The following ELANE variants were observed in gnomAD, a reference collection of about 807,000 sequenced individuals.
The protein encoded by ELANE is elastase, neutrophil expressed, also known as neutrophil elastase.
A neutral mutation model predicts 20.6 loss-of-function variants in ELANE; 12 were observed. The ratio of observed to expected loss-of-function variants is 0.58; its 90% CI spans 0.37 to 0.94. The LOEUF is 0.94. Among genes scored for constraint, ELANE ranks in the 40% least tolerant of loss-of-function variants. ELANE has a pLI of 0.01. For synonymous variants in ELANE, 203 were observed against 177.4 expected, an observed-to-expected ratio of 1.14 and a Z score of -1.15; for missense variants, 388 against 395.2, an observed-to-expected ratio of 0.98 and a Z score of 0.15.
At chr19:853,131 G>T (rs999931514) in intron 2 of ELANE, 99 bp downstream of exon 2, 45 of 1,446,954 alleles carry the variant, frequency 3.1e-5, no homozygotes, top group Admixed American at 4.5e-5. Flanking sequence ...GCGGGGGGGG[G>T]TCCGTCCAGG....
At chr19:852,466 C>A in intron 1 of ELANE, 71 bp downstream of exon 1, 2 of 1,534,192 alleles carry the variant, frequency 1.3e-6, no homozygotes, top group Middle Eastern at 1.7e-4. Flanking sequence ...CCATAGAGGG[C>A]CCCACCAGTG....
intron 1 of ELANE, 139 bp from the exon 2 acceptor site, chr19:852,737 G>A (rs1411794809): frequency 5.5e-6 from 7 of 1,272,610 alleles, no homozygotes; most frequent in Non-Finnish European, 7.3e-6. Context: ...CCCCGATCCC[G>A]TGGGTTCCCG....
chr19:853,157 C>T (rs1378827164), intron 2 of ELANE, 105 bp from the exon 3 acceptor site: 2 of 1,470,622 alleles, frequency 1.4e-6, no homozygotes, highest in Admixed American at 2.3e-5. Flanking sequence ...CGGGGCCCCT[C>T]GAGCACCTTC....
rs765808422 is a variant in ELANE, at chr19:852,973, C to T, written c.165C>T (p.Cys55=). 4.4e-6 allele frequency: 7 copies of T among 1,585,818 alleles called. No individual in the cohort carries two copies. Among genetic ancestry groups the T allele is most frequent in the African/African-American group, 2.7e-5 (2 of 74,710 alleles). The change falls in exon 2 of 5, where the codon TGC becomes TGT. Residue 55 remains cysteine (C), a synonymous_variant. Transcript: ENST00000263621. ...TGCAGCTGCGCGGAGGCCACTTCTG[C>T]GGCGCCACCCTGATTGCGCCCAACT... ...VSLQLRGGHF[C]GATLIAPNFV...
At chr19:852,550 G>A (rs1357455434) in intron 1 of ELANE, among the ~76,000 whole-genome samples, 155 bp downstream of exon 1, 1 of 138,806 alleles carries the variant, frequency 7.2e-6, no homozygotes, top group Non-Finnish European at 1.5e-5. Context: ...TCTGAGCGGT[G>A]AAGCCACCAC....
At chr19:852,633 C>A (rs1375323805) in intron 1 of ELANE, among the ~76,000 whole-genome samples, 1 of 151,518 alleles carries the variant, frequency 6.6e-6, no homozygotes, top group African/African-American at 2.4e-5. Context: ...GGTTCAAGTC[C>A]AGGTCTGTCT....
Position 854,857 on chromosome 19 carries a change from T to C in ELANE, c.367-707T>C, listed in dbSNP as rs201705493. Among the ~76,000 whole-genome samples, 50 of 147,950 alleles carry C rather than the reference T, an allele frequency of 3.4e-4. No individual in the cohort carries two copies. In the East Asian group the frequency reaches 7.4e-3, roughly 22 times the overall value. ...TAATAAAAATATATATATACACACA[T>C]ATATATATATTTTTTGAGACAAGTC... is the stretch of plus-strand genomic sequence containing the variant. On this transcript the variant is annotated intron_variant, in intron 3 of 4. Transcript: ENST00000263621.
rs766595918 is a variant in ELANE at position 856,172 on chromosome 19, T to A, written c.*8T>A. 9 of 1,612,738 alleles carry A rather than the reference T, an allele frequency of 5.6e-6. No homozygotes were observed. The South Asian group carries it at 9.9e-5, about 18-fold the overall frequency. On this transcript the variant is annotated 3_prime_UTR_variant, in exon 5 of 5. Transcript: ENST00000263621. ...GCCAGCAGGACCCACTGAGAAGGGC[T>A]GCCCGGGTCACCTCAGCTGCCCACA...
At position 852,907 on chromosome 19, in the gene ELANE, C is replaced by T. The variant is rs17216628; in HGVS notation, c.99C>T (p.Gly33=). The change falls in exon 2 of 5, where the codon GGC becomes GGT. Residue 33 remains glycine (G), a synonymous_variant. Coordinates refer to ENST00000263621, the MANE Select transcript of ELANE (RefSeq NM_001972.4). The part of the protein sequence containing the change: ...GTALASEIVG[G]RRARPHAWPF... ...CGCTGGCCTCGGAGATTGTGGGGGG[C>T]CGGCGAGCGCGGCCCCACGCGTGGC... is the stretch of plus-strand genomic sequence containing the variant. 1,186 of 1,596,370 alleles carry T rather than the reference C, an allele frequency of 7.4e-4. 6 individuals carry two copies. In the African/African-American group the frequency reaches 0.014, roughly 19 times the overall value.
At chr19:853,745 G>A (rs2035633431) in intron 3 of ELANE, among the ~76,000 whole-genome samples, 1 of 61,872 alleles carries the variant, frequency 1.6e-5, no homozygotes, top group African/African-American at 7.3e-5. Context: ...GAGAAGGGAG[G>A]CCCCGATCTG....
chr19:852,951 AG>A lies in ELANE; in HGVS notation c.144del (p.Gln48HisfsTer12). On this transcript the variant is annotated frameshift_variant, in exon 2 of 5. Coordinates refer to ENST00000263621, the MANE Select transcript of ELANE (RefSeq NM_001972.4). LOFTEE classifies it high-confidence loss of function. Reference sequence around the variant, plus strand: ...GCGTGGCCCTTCATGGTGTCCCTGCAGCTGCGCGGAGGCCACTTCTGCGGCG... The same window carrying A: ...GCGTGGCCCTTCATGGTGTCCCTGCACTGCGCGGAGGCCACTTCTGCGGCG... ...PHAWPFMVSLQLRGGHFCGAT... is the reference protein window; with the variant it reads ...PHAWPFMVSLXLRGGHFCGAT... The A allele has an allele frequency of 6.3e-7, 1 of 1,594,612 alleles. No individual in the cohort carries two copies.
At chr19:852,448 C>T in intron 1 of ELANE, 53 bp downstream of exon 1, 1 of 1,577,066 alleles carries the variant, frequency 6.3e-7, no homozygotes, top group Middle Eastern at 1.7e-4. Flanking sequence ...GGTTCTGTTC[C>T]CACCTCTCCA....
In ELANE at chr19:853,257, G is replaced by T. The variant is rs200503891; in HGVS notation, c.225-5G>T. 1.9e-6 allele frequency: 3 copies of T among 1,587,954 alleles called. No homozygotes were observed. The highest frequency in any genetic ancestry group is 2.3e-5 in the South Asian group (2 of 88,416). On this transcript the variant is annotated splice_polypyrimidine_tract_variant and splice_region_variant and intron_variant, in intron 2 of 4. Coordinates refer to ENST00000263621, the MANE Select transcript of ELANE (RefSeq NM_001972.4). ...CCCTGAGCCCCGCCTCTCCCTCCCCGGCAGAAACGTCCGCGCGGTGCGGGT... is the reference window on the plus strand; with the variant it reads ...CCCTGAGCCCCGCCTCTCCCTCCCCTGCAGAAACGTCCGCGCGGTGCGGGT...
At position 856,018 on chromosome 19, in the gene ELANE, C is replaced by A; in HGVS notation, c.658C>A (p.Arg220=). ...GLIHGIASFV[R]GGCASGLYPD... Reference sequence around the variant, plus strand: ...AATCCACGGAATTGCCTCCTTCGTCCGGGGAGGCTGCGCCTCAGGGCTCTA... The same window carrying A: ...AATCCACGGAATTGCCTCCTTCGTCAGGGGAGGCTGCGCCTCAGGGCTCTA... The change falls in exon 5 of 5, where the codon CGG becomes AGG. Residue 220 remains arginine (R), a synonymous_variant. Transcript: ENST00000263621. 6 of 1,613,194 alleles carry A rather than the reference C, an allele frequency of 3.7e-6. No individual in the cohort carries two copies. Among genetic ancestry groups the A allele is most frequent in the Non-Finnish European group, 5.1e-6 (6 of 1,179,740 alleles).
chr19:854,745 A>G (rs1403686760), intron 3 of ELANE, among the ~76,000 whole-genome samples: 1 of 146,416 alleles, frequency 6.8e-6, no homozygotes, highest in Non-Finnish European at 1.5e-5. Context: ...AATAATATTT[A>G]TATAATTATA....
At chr19:852,829 C>G in intron 1 of ELANE, 47 bp from the exon 2 acceptor site, 2 of 1,579,368 alleles carry the variant, frequency 1.3e-6, no homozygotes, top group Non-Finnish European at 1.7e-6. Context: ...CGGGAGGGGA[C>G]AGGCTCCTTG....
rs1468244056 is a variant in ELANE at position 855,530 on chromosome 19, G to A, written c.367-34G>A. On this transcript the variant is annotated intron_variant, in intron 3 of 4. Coordinates refer to ENST00000263621, the MANE Select transcript of ELANE (RefSeq NM_001972.4). This position sits in a 1 kb window ranked among gnomAD's most constrained non-coding sequence, Gnocchi z 6.2. Reference sequence around the variant, plus strand: ...GGGAGGGTCATCATCACTGCCCCGTGTGACGCGCTGACGATCTGTCCCCAC... The same window carrying A: ...GGGAGGGTCATCATCACTGCCCCGTATGACGCGCTGACGATCTGTCCCCAC... 1.9e-6 allele frequency: 3 copies of A among 1,592,866 alleles called. No homozygotes were observed. The African/African-American group carries it at 4.0e-5, about 21-fold the overall frequency.
Position 856,006 on chromosome 19 carries a change from G to A in ELANE, c.646G>A (p.Ala216Thr), listed in dbSNP as rs201110958. ...CTGCAACGGGCTAATCCACGGAATT[G>A]CCTCCTTCGTCCGGGGAGGCTGCGC... ...LVCNGLIHGI[A>T]SFVRGGCASG... The change falls in exon 5 of 5, where the codon GCC (alanine) becomes ACC (threonine). Residue 216 changes from alanine to threonine, a missense_variant. Transcript: ENST00000263621. The A allele has an allele frequency of 6.2e-7, 1 of 1,613,518 alleles. No homozygotes were observed. The highest frequency in any genetic ancestry group is 2.2e-5 in the East Asian group (1 of 44,886).
rs1281260714 is a variant in ELANE at position 852,483 on chromosome 19, C to T, written c.67+88C>T. 2.0e-6 allele frequency: 3 copies of T among 1,503,472 alleles called. No individual in the cohort carries two copies. In the African/African-American group the frequency reaches 4.2e-5, roughly 21 times the overall value. The allele number at this position is 1,503,472 out of a possible 1,614,324, so 93.1% of individuals were successfully genotyped here. Reference sequence around the variant, plus strand: ...ATAGAGGGCCCCACCAGTGTGGGTCCCTCATCCTCACAGGGGAGGTGCCAG... The same window carrying T: ...ATAGAGGGCCCCACCAGTGTGGGTCTCTCATCCTCACAGGGGAGGTGCCAG... On this transcript the variant is annotated intron_variant, in intron 1 of 4. Transcript: ENST00000263621.
Sources: allele counts gnomAD v4.1 joint callset (sites outside exome capture counted in the v4.1 genomes callset), GRCh38; gene constraint gnomAD v4.1.1; non-coding constraint Gnocchi (gnomAD v3.1); transcripts MANE v1.5; gene names NCBI Gene and HGNC (gene_info 2026-07-23, HGNC 2026-07-21).